CLEC2A: variants seen among roughly 807,000 people sequenced by gnomAD.
The protein encoded by CLEC2A is keratinocyte-associated C-type lectin.
Under a neutral mutation model 18.6 loss-of-function variants are expected in CLEC2A, and 19 were observed. The observed-to-expected ratio is 1.02, with a 90% CI of 0.71 to 1.50. CLEC2A has a LOEUF of 1.50. CLEC2A is among the 40% of genes most tolerant of loss of function. The pLI is 0.00. For synonymous variants in CLEC2A, 74 were observed against 64.0 expected, an observed-to-expected ratio of 1.16 and a Z score of -0.75; for missense variants, 190 against 207.9, an observed-to-expected ratio of 0.91 and a Z score of 0.53.
chr12:9,916,646 AT>A (rs1385605548), intron 4 of CLEC2A, 53 bp downstream of exon 4: 25 of 1,153,846 alleles, frequency 2.2e-5, no homozygotes, highest in Non-Finnish European at 2.9e-5. Flanking sequence ...ATGATTTAAA[AT>A]TTTTCATATG....
intron 4 of CLEC2A, among the ~76,000 whole-genome samples, chr12:9,905,282 G>A (rs111820685): frequency 1.5e-3 from 228 of 152,274 alleles, no homozygotes; most frequent in African/African-American, 5.4e-3. Context: ...GGAGCACTAG[G>A]TAGGGTCCTT....
chr12:9,905,484 A>C (rs112608471), intron 4 of CLEC2A, among the ~76,000 whole-genome samples: 228 of 152,336 alleles, frequency 1.5e-3, no homozygotes, highest in African/African-American at 5.4e-3. Flanking sequence ...AAACATAGGA[A>C]TATCAGCAGT....
rs180888594 is a variant in CLEC2A, at chr12:9,903,278, T to C, written c.411-4302A>G. 4.7e-3 allele frequency among the ~76,000 whole-genome samples: 715 copies of C among 152,208 alleles called. 4 individuals are homozygous for C. The highest frequency in any genetic ancestry group is 6.3e-3 in the Non-Finnish European group (428 of 68,006). On this transcript the variant is annotated intron_variant, in intron 4 of 4. Coordinates refer to the CLEC2A transcript ENST00000339766. ...AGGAATAAGAATATGGAGAAGGAGA[T>C]GTAGGGGAGGTTTTTGTGAGAGCTG... is the stretch of plus-strand genomic sequence containing the variant.
downstream of CLEC2A, among the ~76,000 whole-genome samples, chr12:9,909,986 C>T (rs772667678): frequency 1.3e-5 from 2 of 152,220 alleles, no homozygotes; most frequent in South Asian, 4.1e-4. Context: ...CTTGCTCCCT[C>T]TGATTTTTAG....
the CLEC2A span, among the ~76,000 whole-genome samples, chr12:9,886,763 C>CAAAAA: frequency 2.9e-5 from 3 of 103,452 alleles, no homozygotes; most frequent in African/African-American, 3.8e-5. Context: ...CTATATCATG[C>CAAAAA]AAAAAAAAAA....
At position 9,900,525 on chromosome 12, in the gene CLEC2A, A is replaced by G. The variant is rs1057002822; in HGVS notation, c.411-1549T>C. Among the ~76,000 whole-genome samples the G allele has an allele frequency of 7.2e-5, 11 of 152,274 alleles. No homozygotes were observed. The South Asian group carries it at 1.7e-3, about 23-fold the overall frequency. On this transcript the variant is annotated intron_variant, in intron 4 of 4. Coordinates refer to the CLEC2A transcript ENST00000339766. Reference sequence around the variant, plus strand: ...GTGCAGCAAGAATAACTATTTCTACATAGGCTTTTTGGGTTGGCTTTGATG... The same window carrying G: ...GTGCAGCAAGAATAACTATTTCTACGTAGGCTTTTTGGGTTGGCTTTGATG...
At chr12:9,917,886 T>C (rs1863098489) in intron 3 of CLEC2A, among the ~76,000 whole-genome samples, 1 of 152,152 alleles carries the variant, frequency 6.6e-6, no homozygotes, top group African/African-American at 2.4e-5. Flanking sequence ...TGTTTGTTGG[T>C]GAAATGTATG....
intron 2 of CLEC2A, among the ~76,000 whole-genome samples, chr12:9,922,543 G>C (rs1328928879): frequency 6.6e-6 from 1 of 152,166 alleles, no homozygotes; most frequent in East Asian, 1.9e-4. Context: ...TGCAATCAAG[G>C]TAGAGTGCTG....
intron 1 of CLEC2A, among the ~76,000 whole-genome samples, chr12:9,931,706 G>A (rs1377521355): frequency 6.6e-6 from 1 of 152,120 alleles, no homozygotes; most frequent in Non-Finnish European, 1.5e-5. Flanking sequence ...TTATCTTAAA[G>A]TTTTGGCAGG....
At chr12:9,919,733 T>G (rs1325545292) in intron 3 of CLEC2A, among the ~76,000 whole-genome samples, 1 of 152,128 alleles carries the variant, frequency 6.6e-6, no homozygotes, top group Non-Finnish European at 1.5e-5. Context: ...CAGTCCCTAT[T>G]TACCTCGGAT....
chr12:9,899,764 A>T (rs1451569687), intron 4 of CLEC2A, among the ~76,000 whole-genome samples: 2 of 152,192 alleles, frequency 1.3e-5, no homozygotes, highest in Non-Finnish European at 2.9e-5. Flanking sequence ...ATGGATATCA[A>T]TGTGGCCTTT....
rs548678408 is a variant in CLEC2A, at chr12:9,923,963, C to T, written c.140-1731G>A. Reference sequence around the variant, plus strand: ...GAGTGGGGAGGGATAGCCCCCCTGTCGTGGGGTTGGGAGAGTGGGGAGGGA... The same window carrying T: ...GAGTGGGGAGGGATAGCCCCCCTGTTGTGGGGTTGGGAGAGTGGGGAGGGA... On this transcript the variant is annotated intron_variant, in intron 2 of 4. Coordinates refer to ENST00000455827, the MANE Select transcript of CLEC2A (RefSeq NM_001130711.2). 3.6e-4 allele frequency among the ~76,000 whole-genome samples: 55 copies of T among 151,102 alleles called. 1 individual carries two copies. The highest frequency in any genetic ancestry group is 8.4e-4 in the South Asian group (4 of 4,770).
intron 2 of CLEC2A, among the ~76,000 whole-genome samples, chr12:9,924,817 G>T (rs533903400): frequency 6.6e-6 from 1 of 151,958 alleles, no homozygotes; most frequent in East Asian, 1.9e-4. Context: ...TGAGTTAAAC[G>T]CACTTTTAAA....
At chr12:9,901,336 A>G (rs1862826720) in intron 4 of CLEC2A, among the ~76,000 whole-genome samples, 1 of 152,154 alleles carries the variant, frequency 6.6e-6, no homozygotes, top group Non-Finnish European at 1.5e-5. Context: ...CAAGACAACA[A>G]TTGTCTGTGA....
At chr12:9,903,847 C>T (rs1862869652) in intron 4 of CLEC2A, among the ~76,000 whole-genome samples, 1 of 152,160 alleles carries the variant, frequency 6.6e-6, no homozygotes, top group Non-Finnish European at 1.5e-5. Context: ...CTCGGGACTC[C>T]AATGGCATCT....
chr12:9,913,108 AT>A (rs959580815), downstream of CLEC2A: 393 of 161,850 alleles, frequency 2.4e-3, no homozygotes, highest in African/African-American at 5.6e-3. Context: ...GGGAGATTGC[AT>A]TTTTTTTTTC....
chr12:9,895,949 A>G (rs927208250), downstream of CLEC2A: 53 of 976,790 alleles, frequency 5.4e-5, 1 homozygote, highest in Middle Eastern at 1.1e-3. Flanking sequence ...CATCATCTAA[A>G]TAGGAGAAAA....
At chr12:9,919,433 T>A (rs891530221) in intron 3 of CLEC2A, among the ~76,000 whole-genome samples, 1 of 152,214 alleles carries the variant, frequency 6.6e-6, no homozygotes, top group African/African-American at 2.4e-5. Flanking sequence ...CCTCCTCTCC[T>A]GCAACTTGTT....
chr12:9,908,550 A>C (rs879642934), downstream of CLEC2A, among the ~76,000 whole-genome samples: 1 of 152,092 alleles, frequency 6.6e-6, no homozygotes, highest in Non-Finnish European at 1.5e-5. Flanking sequence ...TTATGAGTTC[A>C]TATTTGGGTC....
Sources: allele counts gnomAD v4.1 joint callset (sites outside exome capture counted in the v4.1 genomes callset), GRCh38; gene constraint gnomAD v4.1.1; transcripts MANE v1.5; gene names NCBI Gene and HGNC (gene_info 2026-07-23, HGNC 2026-07-21).